SYN3: variants seen among roughly 807,000 people sequenced by gnomAD.
SYN3 encodes synapsin III, also known as synapsin-3.
Under a neutral mutation model 65.8 loss-of-function variants are expected in SYN3, and 35 were observed. That is an observed-to-expected ratio of 0.53 (90% CI 0.41 to 0.70). The LOEUF is 0.70. SYN3 is among the 30% of genes least tolerant of loss of function. The pLI, the probability that SYN3 is intolerant of heterozygous loss-of-function variation, is 0.00. For missense variants in SYN3, 680 were observed against 749.0 expected (o/e 0.91, Z 1.08); for synonymous variants, 270 against 292.9 (o/e 0.92, Z 0.80).
intron 6 of SYN3, among the ~76,000 whole-genome samples, chr22:32,654,771 C>A (rs370271615): frequency 1.3e-5 from 2 of 152,208 alleles, no homozygotes; most frequent in Non-Finnish European, 2.9e-5. Context: ...CCCCATTCCA[C>A]GTGTTCGGCA....
chr22:32,822,672 G>A (rs2047283933), intron 6 of SYN3, among the ~76,000 whole-genome samples: 1 of 152,118 alleles, frequency 6.6e-6, no homozygotes, highest in African/African-American at 2.4e-5. Flanking sequence ...GTGAAGATCT[G>A]CACTTCCTCT....
intron 1 of SYN3, among the ~76,000 whole-genome samples, chr22:33,009,291 C>T (rs1026841255): frequency 4.6e-5 from 7 of 152,182 alleles, no homozygotes; most frequent in African/African-American, 1.7e-4. Context: ...TGGTTGTCGT[C>T]GTTTTCATCC....
At chr22:33,053,558 T>C (rs1399737407) in intron 1 of SYN3, among the ~76,000 whole-genome samples, 2 of 152,212 alleles carry the variant, frequency 1.3e-5, no homozygotes, top group Non-Finnish European at 2.9e-5. Flanking sequence ...TTATTGCCTC[T>C]AGAGTTACAG....
intron 1 of SYN3, among the ~76,000 whole-genome samples, chr22:33,054,541 T>A (rs1428952158): frequency 6.6e-6 from 1 of 152,214 alleles, no homozygotes; most frequent in African/African-American, 2.4e-5. Flanking sequence ...GGAAACCACT[T>A]AGCCATTAAG....
chr22:32,966,633 G>C (rs1319375987), intron 3 of SYN3, among the ~76,000 whole-genome samples: 1 of 152,180 alleles, frequency 6.6e-6, no homozygotes, highest in African/African-American at 2.4e-5. Context: ...ACCATAAACA[G>C]GCAGGGCATG....
At chr22:32,800,802 C>T (rs148722870) in intron 6 of SYN3, among the ~76,000 whole-genome samples, 58 of 152,286 alleles carry the variant, frequency 3.8e-4, no homozygotes, top group Admixed American at 7.2e-4. Flanking sequence ...TTCCCCCTGC[C>T]TGGTACCTCT....
chr22:32,964,799 C>T (rs1231258747), intron 3 of SYN3, among the ~76,000 whole-genome samples: 1 of 152,290 alleles, frequency 6.6e-6, no homozygotes, highest in South Asian at 2.1e-4. Context: ...AAGTACAACC[C>T]TTGATGCCCC....
At chr22:32,829,496 C>T (rs1318100894) in intron 6 of SYN3, among the ~76,000 whole-genome samples, 5 of 152,204 alleles carry the variant, frequency 3.3e-5, no homozygotes, top group African/African-American at 7.2e-5. Context: ...GGGAATTGAT[C>T]GGTGCCAGAT....
rs557034129 is a variant in SYN3 at position 32,837,914 on chromosome 22, G to A, written c.711+27001C>T. On this transcript the variant is annotated intron_variant, in intron 6 of 13. Transcript: ENST00000358763. This position sits in a 1 kb window ranked among gnomAD's most constrained non-coding sequence, Gnocchi z 4.1. ...CAATGGGCTGGACTCTCCAGCCTCC[G>A]GGCCTCTGCCCAACCATGACCAGAA... 5.9e-5 allele frequency among the ~76,000 whole-genome samples: 9 copies of A among 152,204 alleles called. No individual in the cohort carries two copies. The highest frequency in any genetic ancestry group is 3.9e-4 in the East Asian group (2 of 5,168).
chr22:32,984,457 C>T (rs2052466606), intron 2 of SYN3, among the ~76,000 whole-genome samples: 1 of 152,196 alleles, frequency 6.6e-6, no homozygotes, highest in African/African-American at 2.4e-5. Context: ...CAAGCTTCAT[C>T]TACTCCCTTC....
intron 6 of SYN3, among the ~76,000 whole-genome samples, chr22:32,639,399 A>G (rs2059864581): frequency 6.6e-6 from 1 of 152,164 alleles, no homozygotes; most frequent in South Asian, 2.1e-4. Context: ...CAAAGATTAG[A>G]TGGCTGTAGG....
chr22:33,010,477 T>A (rs1170479235), intron 1 of SYN3, among the ~76,000 whole-genome samples: 1 of 152,216 alleles, frequency 6.6e-6, no homozygotes, highest in Non-Finnish European at 1.5e-5. Flanking sequence ...TGGCACCAAT[T>A]GGCTGTACAT....
chr22:32,657,449 A>G (rs1480749019), intron 6 of SYN3, among the ~76,000 whole-genome samples: 3 of 152,308 alleles, frequency 2.0e-5, no homozygotes, highest in African/African-American at 7.2e-5. Context: ...CTTGTCTGAC[A>G]TGGAAGGGAA....
intron 6 of SYN3, among the ~76,000 whole-genome samples, chr22:32,633,317 C>G (rs111556214): frequency 9.8e-5 from 15 of 152,348 alleles, no homozygotes; most frequent in Admixed American, 5.2e-4. Context: ...CTCCGAGGAA[C>G]AGTGACTTGT....
At chr22:33,031,867 G>A (rs1019186523) in intron 1 of SYN3, among the ~76,000 whole-genome samples, 4 of 152,004 alleles carry the variant, frequency 2.6e-5, no homozygotes, top group Admixed American at 6.6e-5. Flanking sequence ...CCCATTCCAC[G>A]CCCTCCCTTT....
intron 4 of SYN3, among the ~76,000 whole-genome samples, chr22:32,910,756 G>A (rs956118642): frequency 2.2e-4 from 34 of 152,190 alleles, no homozygotes; most frequent in Admixed American, 2.0e-3. Context: ...AAAATAGGTC[G>A]TTCAGAGGAT....
intron 9 of SYN3, among the ~76,000 whole-genome samples, chr22:32,535,790 G>C (rs1040611802): frequency 7.9e-5 from 12 of 152,024 alleles, no homozygotes; most frequent in African/African-American, 2.7e-4. Context: ...TCGGGGGGGG[G>C]GCCCTGCTCC....
intron 3 of SYN3, among the ~76,000 whole-genome samples, chr22:32,953,525 A>C (rs1444719234): frequency 1.0e-4 from 4 of 38,340 alleles, no homozygotes; most frequent in African/African-American, 4.5e-4. Flanking sequence ...CCTATTAATA[A>C]GGGGCGGGGG....
chr22:32,631,391 G>T lies in SYN3; in HGVS notation c.712-34655C>A, dbSNP rs140844092. On this transcript the variant is annotated intron_variant, in intron 6 of 13. Transcript: ENST00000358763. ...TGGGTTTTTGTGCGTATTTTCAAAC[G>T]CTTGTCTCTTTAGGCTCTTAAATCA... Among the ~76,000 whole-genome samples, 487 of 151,570 alleles carry T rather than the reference G, an allele frequency of 3.2e-3. 4 individuals are homozygous for T. Among genetic ancestry groups the T allele is most frequent in the African/African-American group, 0.011 (451 of 41,348 alleles).
Sources: allele counts gnomAD v4.1 joint callset (sites outside exome capture counted in the v4.1 genomes callset), GRCh38; gene constraint gnomAD v4.1.1; non-coding constraint Gnocchi (gnomAD v3.1); transcripts MANE v1.5; gene names NCBI Gene and HGNC (gene_info 2026-07-23, HGNC 2026-07-21).